The following JAKMIP2 variants were observed in gnomAD, a reference collection of about 807,000 sequenced individuals.
JAKMIP2 encodes the protein janus kinase and microtubule-interacting protein 2.
Under a neutral mutation model 115.0 loss-of-function variants are expected in JAKMIP2, and 25 were observed. The observed-to-expected ratio is 0.22, with a 90% CI of 0.16 to 0.30. The LOEUF (loss-of-function observed/expected upper bound fraction) is 0.30. Among genes scored for constraint, JAKMIP2 ranks in the 10% least tolerant of loss-of-function variants. The pLI is 1.00. For synonymous variants in JAKMIP2, 334 were observed against 343.6 expected (o/e 0.97, Z 0.31); for missense variants, 642 against 957.6 (o/e 0.67, Z 4.35).
intron 1 of JAKMIP2, among the ~76,000 whole-genome samples, chr5:147,773,363 A>G (rs1483537134): frequency 6.6e-6 from 1 of 152,156 alleles, no homozygotes; most frequent in African/African-American, 2.4e-5. Flanking sequence ...AGAACTGATC[A>G]ATTCTGCTTA....
At chr5:147,760,829 T>A (rs1402625459) in intron 1 of JAKMIP2, among the ~76,000 whole-genome samples, 3 of 152,054 alleles carry the variant, frequency 2.0e-5, no homozygotes, top group Non-Finnish European at 2.9e-5. Flanking sequence ...AAATGGATGA[T>A]TCTGGAGAAT....
intron 10 of JAKMIP2, among the ~76,000 whole-genome samples, chr5:147,637,776 G>A (rs964247490): frequency 1.3e-5 from 2 of 151,944 alleles, no homozygotes; most frequent in African/African-American, 4.8e-5. Context: ...ATTTCTCTCT[G>A]TCTTTCTCTT....
At chr5:147,622,286 C>T (rs1028364036) in intron 17 of JAKMIP2, among the ~76,000 whole-genome samples, 8 of 152,166 alleles carry the variant, frequency 5.3e-5, no homozygotes, top group Non-Finnish European at 7.4e-5. Context: ...TACAACCTTA[C>T]TCATTTTTAA....
chr5:147,720,415 G>A (rs1286931005), intron 1 of JAKMIP2, among the ~76,000 whole-genome samples: 1 of 148,728 alleles, frequency 6.7e-6, no homozygotes, highest in South Asian at 2.2e-4. Flanking sequence ...GATTGGGGAA[G>A]TTCTCCTGGA....
At chr5:147,764,706 T>C (rs1484158735) in intron 1 of JAKMIP2, among the ~76,000 whole-genome samples, 1 of 151,230 alleles carries the variant, frequency 6.6e-6, no homozygotes, top group East Asian at 2.0e-4. Flanking sequence ...GCCAACATGG[T>C]GAAACCCTGT....
intron 1 of JAKMIP2, among the ~76,000 whole-genome samples, chr5:147,679,902 G>A (rs1434876357): frequency 6.6e-6 from 1 of 152,130 alleles, no homozygotes; most frequent in Non-Finnish European, 1.5e-5. Context: ...GATAAAGAGA[G>A]CGATTTCATA....
At position 147,591,219 on chromosome 5, in the gene JAKMIP2, GT is replaced by G. The variant is rs147588643; in HGVS notation, c.*487del. The G allele has an allele frequency of 1.3e-5, 2 of 156,548 alleles. No individual in the cohort carries two copies. Among genetic ancestry groups the G allele is most frequent in the Non-Finnish European group, 2.8e-5 (2 of 71,280 alleles). The allele number at this position is 156,548 out of a possible 1,614,324, so 9.7% of individuals were successfully genotyped here. A position where few individuals can be genotyped will look rare whatever the true frequency, so the allele number is the denominator to read the frequency against. On this transcript the variant is annotated 3_prime_UTR_variant, in exon 22 of 22. Transcript: ENST00000616793. ...CGTGCTTCACTCCCCACCCACCCTT[GT>G]TTTTTTTGTTTGTTTGTTTTGATCT...
intron 2 of JAKMIP2, among the ~76,000 whole-genome samples, chr5:147,664,678 A>C (rs1759204714): frequency 6.6e-6 from 1 of 152,038 alleles, no homozygotes; most frequent in Admixed American, 6.6e-5. Flanking sequence ...CGGTTTTCAC[A>C]GTTTTCTTTG....
chr5:147,642,754 T>C (rs9686961), intron 7 of JAKMIP2, among the ~76,000 whole-genome samples: 33,340 of 151,872 alleles, frequency 0.22, 4,617 homozygotes, highest in East Asian at 0.57. Flanking sequence ...ATATTGAGTG[T>C]CAATTTGATT....
At chr5:147,606,020 A>T (rs565605161) in intron 20 of JAKMIP2, among the ~76,000 whole-genome samples, 1 of 152,028 alleles carries the variant, frequency 6.6e-6, no homozygotes, top group African/African-American at 2.4e-5. Context: ...CCACTTTTTG[A>T]TGGGGTTGTT....
chr5:147,709,514 G>A (rs1013961160), intron 1 of JAKMIP2, among the ~76,000 whole-genome samples: 12 of 152,120 alleles, frequency 7.9e-5, no homozygotes, highest in African/African-American at 2.2e-4. Context: ...TTTGTATATC[G>A]ATGACTTACT....
intron 20 of JAKMIP2, among the ~76,000 whole-genome samples, chr5:147,606,556 A>G (rs1756025169): frequency 6.6e-6 from 1 of 152,090 alleles, no homozygotes; most frequent in South Asian, 2.1e-4. Flanking sequence ...CTGTTTTGTT[A>G]CCAGTACTAT....
intron 3 of JAKMIP2, among the ~76,000 whole-genome samples, chr5:147,652,600 G>C (rs1382866840): frequency 6.6e-6 from 1 of 152,052 alleles, no homozygotes; most frequent in East Asian, 1.9e-4. Flanking sequence ...ATGAAGATGA[G>C]TATATCTGCG....
At chr5:147,625,332 C>T (rs1315997757) in intron 16 of JAKMIP2, among the ~76,000 whole-genome samples, 4 of 152,108 alleles carry the variant, frequency 2.6e-5, no homozygotes, top group Non-Finnish European at 5.9e-5. Flanking sequence ...CACAGCGAGA[C>T]TTTTATACAC....
intron 21 of JAKMIP2, among the ~76,000 whole-genome samples, chr5:147,596,390 C>T (rs975279505): frequency 1.3e-5 from 2 of 152,018 alleles, no homozygotes; most frequent in African/African-American, 4.8e-5. Context: ...GCTACTTCAG[C>T]TGTGGAGGAG....
intron 1 of JAKMIP2, among the ~76,000 whole-genome samples, chr5:147,708,114 TA>T (rs1230420463): frequency 1.3e-5 from 2 of 152,228 alleles, no homozygotes; most frequent in East Asian, 3.8e-4. Context: ...GAAATTATTT[TA>T]CACATTTAAA....
chr5:147,608,027 T>A (rs1261942186), intron 20 of JAKMIP2, among the ~76,000 whole-genome samples: 1 of 152,176 alleles, frequency 6.6e-6, no homozygotes, highest in African/African-American at 2.4e-5. Context: ...ATCCCCCCTT[T>A]ATCATTTTTT....
chr5:147,689,978 A>G (rs1041230481), intron 1 of JAKMIP2, among the ~76,000 whole-genome samples: 1 of 152,146 alleles, frequency 6.6e-6, no homozygotes, highest in African/African-American at 2.4e-5. Context: ...ATAATGAGAG[A>G]CTTCATGACG....
intron 1 of JAKMIP2, among the ~76,000 whole-genome samples, chr5:147,680,192 C>CTATGGATAG (rs373855221): frequency 0.014 from 2,077 of 152,110 alleles, 49 homozygotes; most frequent in African/African-American, 0.048. Flanking sequence ...TTTTTATGAC[C>CTATGGATAG]TAACTATCCA....
Sources: gnomAD v4.1 joint callset for allele counts (sites outside exome capture counted in the v4.1 genomes callset) on GRCh38, gnomAD v4.1.1 for gene constraint, MANE v1.5 for transcripts, NCBI Gene and HGNC (gene_info 2026-07-23, HGNC 2026-07-21) for gene names.